PCDHGB3: variants seen among roughly 807,000 people sequenced by gnomAD.
PCDHGB3 encodes protocadherin gamma subfamily B, 3, also known as protocadherin gamma-B3.
A neutral mutation model predicts 59.2 loss-of-function variants in PCDHGB3; 40 were observed. The observed-to-expected ratio is 0.68, with a 90% CI of 0.52 to 0.88. The LOEUF (loss-of-function observed/expected upper bound fraction) is 0.88. Ranked by LOEUF, PCDHGB3 falls within the 40% of genes least tolerant of loss-of-function variation. The pLI, the probability that PCDHGB3 is intolerant of heterozygous loss-of-function variation, is 0.00. For synonymous variants in PCDHGB3, 581 were observed against 503.6 expected (o/e 1.15, Z -2.06); for missense variants, 1,309 against 1,187.9 (o/e 1.10, Z -1.50).
intron 1 of PCDHGB3, chr5:141,471,515 T>C (rs931181988): frequency 2.6e-5 from 4 of 152,276 alleles, no homozygotes; most frequent in African/African-American, 9.6e-5. Context: ...GGAGTAAAAA[T>C]AACAGCGAGG....
At chr5:141,394,303 AG>A in intron 1 of PCDHGB3, 2 of 1,613,924 alleles carry the variant, frequency 1.2e-6, no homozygotes, top group East Asian at 2.2e-5. Context: ...GACACGCTGC[AG>A]GGGGCGCCCC....
In PCDHGB3 at chr5:141,485,609, G is replaced by A. The variant is rs1432367043; in HGVS notation, c.2416-9198G>A. The A allele has an allele frequency of 6.2e-7, 1 of 1,612,252 alleles. No homozygotes were observed. Among genetic ancestry groups the A allele is most frequent in the Non-Finnish European group, 8.5e-7 (1 of 1,178,656 alleles). On this transcript the variant is annotated intron_variant, in intron 1 of 3. Transcript: ENST00000576222. This position sits in a 1 kb window ranked among gnomAD's most constrained non-coding sequence, Gnocchi z 5.7. ...GCTGGACTTGGAAATTGGGGAGGCA[G>A]CTCCTCCAGGACAGCGTTTCCCGTT...
rs570379716 is a variant in PCDHGB3 at position 141,452,090 on chromosome 5, G to A, written c.2416-42717G>A. Among the ~76,000 whole-genome samples, 3 of 152,256 alleles carry A rather than the reference G, an allele frequency of 2.0e-5. No individual in the cohort carries two copies. The South Asian group carries it at 6.2e-4, about 32-fold the overall frequency. On this transcript the variant is annotated intron_variant, in intron 1 of 3. Coordinates refer to ENST00000576222, the MANE Select transcript of PCDHGB3 (RefSeq NM_018924.5). The stretch of plus-strand genomic sequence containing the variant: ...TTTATTAGTTGGCATTATACAGTAA[G>A]AAAGAGCTTTCTTTTCTCTTCTTAT...
chr5:141,485,958 T>C lies in PCDHGB3; in HGVS notation c.2416-8849T>C. On this transcript the variant is annotated intron_variant, in intron 1 of 3. Transcript: ENST00000576222. The surrounding 1 kb of genome is among the most constrained non-coding windows in gnomAD (Gnocchi z 5.7). ...AGCGCACCAGCGGGCATGGTGCTCATCCAGCTCAATGCCTCAGACCCGGAC... is the reference window on the plus strand; with the variant it reads ...AGCGCACCAGCGGGCATGGTGCTCACCCAGCTCAATGCCTCAGACCCGGAC... 1 of 1,614,190 alleles carries C rather than the reference T, an allele frequency of 6.2e-7. No individual in the cohort carries two copies. The highest frequency in any genetic ancestry group is 8.5e-7 in the Non-Finnish European group (1 of 1,180,032).
rs911465424 is a variant in PCDHGB3 at position 141,449,724 on chromosome 5, AT to A, written c.2416-45076del. ...AAACACATTATTTTTATATGATATG[AT>A]TTTTTTATGACATGATTATTTTTAT... On this transcript the variant is annotated intron_variant, in intron 1 of 3. Coordinates refer to ENST00000576222, the MANE Select transcript of PCDHGB3 (RefSeq NM_018924.5). 1.2e-4 allele frequency among the ~76,000 whole-genome samples: 18 copies of A among 151,282 alleles called. No homozygotes were observed. The South Asian group carries it at 1.9e-3, about 16-fold the overall frequency.
intron 1 of PCDHGB3, chr5:141,399,437 A>G (rs780100815): frequency 3.7e-5 from 59 of 1,613,998 alleles, no homozygotes; most frequent in East Asian, 6.7e-5. Flanking sequence ...GTCATCCTAC[A>G]TATCAGAGAC....
At chr5:141,500,840 C>G (rs1394248251) in intron 2 of PCDHGB3, among the ~76,000 whole-genome samples, 1 of 151,966 alleles carries the variant, frequency 6.6e-6, no homozygotes, top group Non-Finnish European at 1.5e-5. Context: ...TGCTAATGGG[C>G]TTTTGCTACA....
intron 1 of PCDHGB3, chr5:141,404,984 C>T (rs779919758): frequency 6.2e-7 from 1 of 1,614,034 alleles, no homozygotes; most frequent in African/African-American, 1.3e-5. Context: ...CCTGGGCAGT[C>T]TTCAGATCCC....
In PCDHGB3 at chr5:141,371,550, C is replaced by T; in HGVS notation, c.1156C>T (p.Leu386=). The T allele has an allele frequency of 6.2e-7, 1 of 1,613,828 alleles. No homozygotes were observed. The highest frequency in any genetic ancestry group is 1.1e-5 in the South Asian group (1 of 91,070). ...ATTTAATGGAGAAATCCTATGCCAA[C>T]TAAAAGGAAACTTCCCCTTTAAAAT... is the stretch of plus-strand genomic sequence containing the variant. ...SGFNGEILCQ[L]KGNFPFKIVQ... The change falls in exon 1 of 4, where the codon CTA becomes TTA. Residue 386 remains leucine, a synonymous_variant. Transcript: ENST00000576222.
In PCDHGB3 at chr5:141,394,790, G is replaced by A. The variant is rs776824024; in HGVS notation, c.2415+21981G>A. The A allele has an allele frequency of 2.4e-5, 39 of 1,613,718 alleles. No homozygotes were observed. The African/African-American group carries it at 3.2e-4, about 13-fold the overall frequency. ...AGCCCCCTCTCTCCGCCACTGTCAC[G>A]CTCACCGTAGCCGTGGCTGACAGCA... On this transcript the variant is annotated intron_variant, in intron 1 of 3. Transcript: ENST00000576222.
chr5:141,422,027 C>A, intron 1 of PCDHGB3: 1 of 1,610,650 alleles, frequency 6.2e-7, no homozygotes, highest in Non-Finnish European at 8.5e-7. Context: ...ATGGTTAATG[C>A]AACGGATCCA....
intron 1 of PCDHGB3, chr5:141,394,481 T>G (rs766569646): frequency 6.2e-7 from 1 of 1,614,206 alleles, no homozygotes; most frequent in African/African-American, 1.3e-5. Flanking sequence ...TGGACCAGAA[T>G]GACAACGCGC....
At chr5:141,414,704 C>A (rs778708386) in intron 1 of PCDHGB3, 8 of 1,614,036 alleles carry the variant, frequency 5.0e-6, no homozygotes, top group Non-Finnish European at 5.9e-6. Flanking sequence ...TCATACATAT[C>A]CATCAACTCA....
chr5:141,393,682 C>T (rs756181553), intron 1 of PCDHGB3: 18 of 1,613,870 alleles, frequency 1.1e-5, no homozygotes, highest in Non-Finnish European at 1.3e-5. Context: ...AAACAAACTC[C>T]GTTATTCCAG....
At chr5:141,454,850 C>T (rs1208208678) in intron 1 of PCDHGB3, among the ~76,000 whole-genome samples, 3 of 132,848 alleles carry the variant, frequency 2.3e-5, no homozygotes, top group Non-Finnish European at 4.6e-5. Flanking sequence ...CTCTGTCACC[C>T]AGGCTGGAGT....
chr5:141,374,955 T>C (rs1213878932), intron 1 of PCDHGB3: 2 of 1,613,888 alleles, frequency 1.2e-6, no homozygotes. Flanking sequence ...ATCTCACAAA[T>C]TTTCTGTTTG....
At chr5:141,474,143 T>C (rs933805562) in intron 1 of PCDHGB3, among the ~76,000 whole-genome samples, 5 of 152,188 alleles carry the variant, frequency 3.3e-5, no homozygotes, top group Non-Finnish European at 5.9e-5. Flanking sequence ...CAGGCCTTAT[T>C]ATCAAGAAAA....
chr5:141,376,241 C>T (rs755837851), intron 1 of PCDHGB3: 1 of 1,614,118 alleles, frequency 6.2e-7, no homozygotes, highest in East Asian at 2.2e-5. Flanking sequence ...GCAGCGCTGG[C>T]ACAAGTCACG....
chr5:141,497,413 T>A (rs572922456), intron 2 of PCDHGB3, among the ~76,000 whole-genome samples: 1 of 151,928 alleles, frequency 6.6e-6, no homozygotes, highest in African/African-American at 2.4e-5. Context: ...TCCCATTCCA[T>A]CAAATGAGAG....
Sources: gnomAD v4.1 joint callset for allele counts (sites outside exome capture counted in the v4.1 genomes callset) on GRCh38, gnomAD v4.1.1 for gene constraint, Gnocchi (gnomAD v3.1) non-coding constraint, MANE v1.5 for transcripts, NCBI Gene and HGNC (gene_info 2026-07-23, HGNC 2026-07-21) for gene names.